The following SNX27 variants were observed in gnomAD, a reference collection of about 807,000 sequenced individuals.
SNX27 encodes the protein sorting nexin-27.
In SNX27, 22 loss-of-function variants were observed where a neutral mutation model predicts 71.6. The observed-to-expected ratio is 0.31, with a 90% confidence interval of 0.22 to 0.44. The LOEUF is 0.44. Among genes scored for constraint, SNX27 ranks in the 20% least tolerant of loss-of-function variants. The probability of loss-of-function intolerance (pLI) is 1.00; values close to 1 mark genes in which losing one functional copy is unlikely to be tolerated. For synonymous variants in SNX27, 269 were observed against 277.2 expected, an observed-to-expected ratio of 0.97 and a Z score of 0.29; for missense variants, 531 against 698.6, an observed-to-expected ratio of 0.76 and a Z score of 2.70.
intron 1 of SNX27, among the ~76,000 whole-genome samples, chr1:151,619,382 T>A (rs886710888): frequency 6.6e-6 from 1 of 152,058 alleles, no homozygotes; most frequent in African/African-American, 2.4e-5. Context: ...TACCAGTAAA[T>A]ACAGTTTTTT....
At chr1:151,660,769 A>G in intron 3 of SNX27, 29 bp from the exon 4 acceptor site, 2 of 1,560,098 alleles carry the variant, frequency 1.3e-6, no homozygotes, top group Non-Finnish European at 1.8e-6. Flanking sequence ...TTAAGGCCTT[A>G]TGCCAGATTT....
At chr1:151,636,707 G>A (rs374173875) in intron 1 of SNX27, among the ~76,000 whole-genome samples, 3 of 146,732 alleles carry the variant, frequency 2.0e-5, no homozygotes, top group Middle Eastern at 7.2e-3. Flanking sequence ...TCATGAGTTA[G>A]CTAAGGTTCC....
In SNX27 at chr1:151,658,224, T is replaced by G; in HGVS notation, c.544-11T>G. 6.3e-7 allele frequency: 1 copy of G among 1,585,922 alleles called. No individual in the cohort carries two copies. Among genetic ancestry groups the G allele is most frequent in the Non-Finnish European group, 8.6e-7 (1 of 1,168,396 alleles). ...TAAGTATGCTTTTCTTTTGTTCTTCTCCTTCACCAGGTATATAATGTTTAC... is the reference window on the plus strand; with the variant it reads ...TAAGTATGCTTTTCTTTTGTTCTTCGCCTTCACCAGGTATATAATGTTTAC... On this transcript the variant is annotated splice_polypyrimidine_tract_variant and intron_variant, in intron 2 of 11. Transcript: ENST00000458013.
At chr1:151,624,701 G>A (rs536750988) in intron 1 of SNX27, among the ~76,000 whole-genome samples, 1 of 151,734 alleles carries the variant, frequency 6.6e-6, no homozygotes, top group Admixed American at 6.6e-5. Context: ...CAAAAAGCTG[G>A]GATTACAGAC....
chr1:151,648,001 AAAC>A lies in SNX27; in HGVS notation c.543+8888_543+8890del, dbSNP rs375257681. On this transcript the variant is annotated intron_variant, in intron 2 of 11. Coordinates refer to ENST00000458013, the MANE Select transcript of SNX27 (RefSeq NM_001330723.2). ...TGTGCATTTAAGAAGTTAAAAAAAA[AAAC>A]AACAAAAAAACAATTGCCTTTTAAA... 1.4e-3 allele frequency among the ~76,000 whole-genome samples: 213 copies of A among 152,166 alleles called. 1 individual carries two copies. Among genetic ancestry groups the A allele is most frequent in the African/African-American group, 4.7e-3 (196 of 41,514 alleles).
chr1:151,674,337 C>T (rs758366828), intron 7 of SNX27, among the ~76,000 whole-genome samples: 3 of 152,136 alleles, frequency 2.0e-5, no homozygotes, highest in Non-Finnish European at 4.4e-5. Flanking sequence ...ATAAAGGCTC[C>T]ATGCCTTAAA....
At chr1:151,656,875 A>G (rs1018235028) in intron 2 of SNX27, among the ~76,000 whole-genome samples, 1 of 152,194 alleles carries the variant, frequency 6.6e-6, no homozygotes, top group Non-Finnish European at 1.5e-5. Context: ...TTGAAGTATC[A>G]TTCATCTTGA....
At chr1:151,630,242 G>A (rs988756448) in intron 1 of SNX27, among the ~76,000 whole-genome samples, 2 of 152,012 alleles carry the variant, frequency 1.3e-5, no homozygotes, top group Non-Finnish European at 2.9e-5. Context: ...CATTGCCTTA[G>A]GATAAATTCT....
At position 151,693,125 on chromosome 1, in the gene SNX27, T is replaced by G. The variant is rs188500357; in HGVS notation, c.1518+86T>G. The stretch of plus-strand genomic sequence containing the variant: ...CTAAATGCATAAATGGAGAGAGAGA[T>G]AGAGCTAGTAGTTGTCTTGAGATCC... On this transcript the variant is annotated intron_variant, in intron 10 of 11. Coordinates refer to ENST00000458013, the MANE Select transcript of SNX27 (RefSeq NM_001330723.2). 859 of 1,512,680 alleles carry G rather than the reference T, an allele frequency of 5.7e-4. 2 individuals carry two copies. The highest frequency in any genetic ancestry group is 5.3e-3 in the African/African-American group (380 of 71,542). The allele number at this position is 1,512,680 out of a possible 1,614,324, so 93.7% of individuals were successfully genotyped here.
rs561526994 is a variant in SNX27, at chr1:151,653,893, C to T, written c.544-4342C>T. On this transcript the variant is annotated intron_variant, in intron 2 of 11. Coordinates refer to ENST00000458013, the MANE Select transcript of SNX27 (RefSeq NM_001330723.2). ...CTGCCACCAGGCTGGAGTGCAGTGG[C>T]GCGATCTTGGCTCACTGCAACCTCC... Among the ~76,000 whole-genome samples, 57 of 141,414 alleles carry T rather than the reference C, an allele frequency of 4.0e-4. 1 individual carries two copies. Among genetic ancestry groups the T allele is most frequent in the Admixed American group, 6.2e-4 (8 of 12,966 alleles). 92.8% of individuals were successfully genotyped at this position (141,414 alleles called of 152,430 possible).
At chr1:151,623,731 G>C (rs925938182) in intron 1 of SNX27, among the ~76,000 whole-genome samples, 1 of 151,816 alleles carries the variant, frequency 6.6e-6, no homozygotes, top group Admixed American at 6.6e-5. Context: ...TTGTCCTCCA[G>C]TACAAAGAAG....
chr1:151,621,291 A>G lies in SNX27; in HGVS notation c.311+8779A>G, dbSNP rs527272473. Among the ~76,000 whole-genome samples the G allele has an allele frequency of 3.1e-4, 47 of 152,336 alleles. 1 individual carries two copies. Among genetic ancestry groups the G allele is most frequent in the African/African-American group, 1.1e-3 (46 of 41,560 alleles). On this transcript the variant is annotated intron_variant, in intron 1 of 11. Coordinates refer to ENST00000458013, the MANE Select transcript of SNX27 (RefSeq NM_001330723.2). The stretch of plus-strand genomic sequence containing the variant: ...TGTTTATTATTTATTGCTCCCTGCC[A>G]ACTAAATAAGGTTCTCATAATAGTT...
intron 11 of SNX27, 102 bp from the exon 12 acceptor site, chr1:151,694,268 A>C (rs1350134912): frequency 4.0e-6 from 6 of 1,517,424 alleles, no homozygotes; most frequent in Non-Finnish European, 5.3e-6. Context: ...GGCCAATCAG[A>C]TTGAGTCATC....
chr1:151,656,223 CA>C (rs71093203), intron 2 of SNX27, among the ~76,000 whole-genome samples: 3,064 of 77,360 alleles, frequency 0.04, 16 homozygotes, highest in Middle Eastern at 0.061. Flanking sequence ...GACTCCGTCT[CA>C]AAAAAAAAAA....
At chr1:151,643,869 A>G (rs1302053566) in intron 2 of SNX27, among the ~76,000 whole-genome samples, 1 of 151,950 alleles carries the variant, frequency 6.6e-6, no homozygotes, top group Non-Finnish European at 1.5e-5. Flanking sequence ...CATGTTGGTC[A>G]GGCTGGTCTT....
chr1:151,683,133 G>A (rs1259414028), intron 7 of SNX27, among the ~76,000 whole-genome samples: 1 of 152,076 alleles, frequency 6.6e-6, no homozygotes, highest in Admixed American at 6.5e-5. Flanking sequence ...ACCTCCCACC[G>A]GGTCCCTCCC....
chr1:151,687,149 C>T (rs1671219359), intron 8 of SNX27, among the ~76,000 whole-genome samples: 1 of 152,196 alleles, frequency 6.6e-6, no homozygotes, highest in South Asian at 2.1e-4. Context: ...CTTTCTGTCT[C>T]CTCACACAAA....
intron 1 of SNX27, among the ~76,000 whole-genome samples, chr1:151,633,750 C>T (rs764727682): frequency 2.0e-5 from 3 of 152,096 alleles, no homozygotes; most frequent in Non-Finnish European, 4.4e-5. Flanking sequence ...TTCCTCCCGC[C>T]GAGTGTATTT....
intron 2 of SNX27, among the ~76,000 whole-genome samples, chr1:151,641,633 T>TATC (rs1668742587): frequency 1.2e-5 from 1 of 85,002 alleles, no homozygotes; most frequent in Non-Finnish European, 2.6e-5. Context: ...ATATATATCA[T>TATC]ATGTATCATA....
Sources: gnomAD v4.1 joint callset for allele counts (sites outside exome capture counted in the v4.1 genomes callset) on GRCh38, gnomAD v4.1.1 for gene constraint, MANE v1.5 for transcripts, NCBI Gene and HGNC (gene_info 2026-07-23, HGNC 2026-07-21) for gene names.